Variants in PCSK5 observed in about 807,000 individuals in gnomAD.
PCSK5 encodes the protein prohormone convertase 5.
Under a neutral mutation model 233.2 loss-of-function variants are expected in PCSK5, and 129 were observed. The ratio of observed to expected loss-of-function variants is 0.55; its 90% CI spans 0.48 to 0.64. The LOEUF is 0.64. Among genes scored for constraint, PCSK5 ranks in the 30% least tolerant of loss-of-function variants. The pLI is 0.00. For missense variants in PCSK5, 2,076 were observed against 2,430.1 expected (o/e 0.85, Z 3.06); for synonymous variants, 825 against 879.2 (o/e 0.94, Z 1.09).
Position 75,891,067 on chromosome 9 carries a change from A to AGCTGCGGCGGCCCGGGGCTGCGC in PCSK5, c.-94_-93insGCGCTGCGGCGGCCCGGGGCTGC. 3.1e-6 allele frequency: 3 copies of AGCTGCGGCGGCCCGGGGCTGCGC among 977,490 alleles called. No individual in the cohort carries two copies. Among genetic ancestry groups the AGCTGCGGCGGCCCGGGGCTGCGC allele is most frequent in the Non-Finnish European group, 4.1e-6 (3 of 728,264 alleles). The allele number at this position is 977,490 out of a possible 1,614,324, so 60.6% of individuals were successfully genotyped here. A position where few individuals can be genotyped will look rare whatever the true frequency, so the allele number is the denominator to read the frequency against. ...CTCCTGCCGATCGCCCGGGGCTGCGAGCTGCGGCGGCCCGGGGCTGCTCGC... is the reference window on the plus strand; with the variant it reads ...CTCCTGCCGATCGCCCGGGGCTGCGAGCTGCGGCGGCCCGGGGCTGCGCGCTGCGGCGGCCCGGGGCTGCTCGC... On this transcript the variant is annotated 5_prime_UTR_variant, in exon 1 of 38. Coordinates refer to ENST00000674117, the MANE Select transcript of PCSK5 (RefSeq NM_001372043.1).
chr9:76,244,041 T>A (rs901286205), intron 24 of PCSK5, among the ~76,000 whole-genome samples: 23 of 152,142 alleles, frequency 1.5e-4, no homozygotes, highest in South Asian at 4.1e-4. Flanking sequence ...CTGGGAAGCA[T>A]GGTGAAACCC....
rs561949804 is a variant in PCSK5, at chr9:75,893,441, C to T, written c.192+2068C>T. Among the ~76,000 whole-genome samples, 9 of 152,212 alleles carry T rather than the reference C, an allele frequency of 5.9e-5. No homozygotes were observed. In the South Asian group the frequency reaches 1.5e-3, roughly 25 times the overall value. On this transcript the variant is annotated intron_variant, in intron 1 of 37. Transcript: ENST00000674117. The stretch of plus-strand genomic sequence containing the variant: ...TTCCTTGAATTCTGATTTAATGGCT[C>T]AGTAGGCTGGAAGCAAATATCTGGT...
chr9:75,942,882 CTTCT>C (rs1280009695), intron 2 of PCSK5, among the ~76,000 whole-genome samples: 14 of 112,928 alleles, frequency 1.2e-4, no homozygotes, highest in Admixed American at 6.0e-4. Context: ...TTTTCTTCTT[CTTCT>C]TTTTTTTTTT....
At chr9:76,032,309 T>C (rs1828684690) in intron 5 of PCSK5, among the ~76,000 whole-genome samples, 1 of 152,166 alleles carries the variant, frequency 6.6e-6, no homozygotes, top group Admixed American at 6.5e-5. Flanking sequence ...GGCTCTGTGC[T>C]AAATACCTGG....
intron 26 of PCSK5, among the ~76,000 whole-genome samples, chr9:76,296,079 G>A (rs1828428690): frequency 6.6e-6 from 1 of 152,146 alleles, no homozygotes. Context: ...AAGGACTTAG[G>A]TAAAGTGTTG....
chr9:76,298,805 A>G (rs1828521483), intron 27 of PCSK5, among the ~76,000 whole-genome samples: 1 of 152,166 alleles, frequency 6.6e-6, no homozygotes, highest in South Asian at 2.1e-4. Flanking sequence ...TTTTGAGAGG[A>G]TATAGCTGCC....
chr9:76,077,737 T>C (rs1328757704), intron 7 of PCSK5, among the ~76,000 whole-genome samples: 1 of 152,234 alleles, frequency 6.6e-6, no homozygotes, highest in Non-Finnish European at 1.5e-5. Flanking sequence ...GACATGGTTT[T>C]ATTCTTTTTC....
Position 76,101,212 on chromosome 9 carries a change from T to C in PCSK5, c.1107+5110T>C, listed in dbSNP as rs553130643. Among the ~76,000 whole-genome samples the C allele has an allele frequency of 2.0e-5, 3 of 152,336 alleles. No homozygotes were observed. The East Asian group carries it at 5.8e-4, about 29-fold the overall frequency. Reference sequence around the variant, plus strand: ...TCCAGAGCCTGAGCTTAATAAATATTCGTGCATAAATGACTAGCAAACATT... The same window carrying C: ...TCCAGAGCCTGAGCTTAATAAATATCCGTGCATAAATGACTAGCAAACATT... On this transcript the variant is annotated intron_variant, in intron 8 of 37. Transcript: ENST00000674117.
chr9:76,231,538 C>T (rs1826080599), intron 21 of PCSK5, among the ~76,000 whole-genome samples: 1 of 152,170 alleles, frequency 6.6e-6, no homozygotes, highest in Non-Finnish European at 1.5e-5. Context: ...TTCAGCAGAA[C>T]ATTGAATAGC....
intron 8 of PCSK5, among the ~76,000 whole-genome samples, chr9:76,106,031 T>A (rs1483994207): frequency 6.6e-6 from 1 of 152,204 alleles, no homozygotes; most frequent in Non-Finnish European, 1.5e-5. Flanking sequence ...GAAGATCAAG[T>A]TTCTTTCCAA....
intron 14 of PCSK5, 96 bp from the exon 15 acceptor site, chr9:76,179,499 AG>A: frequency 1.3e-6 from 1 of 779,392 alleles, no homozygotes; most frequent in Non-Finnish European, 2.1e-6. Context: ...TCTCTGCATA[AG>A]AAAAAAAAAA....
At chr9:76,096,188 T>TAC (rs142997056) in intron 8 of PCSK5, 86 bp downstream of exon 8, 130,144 of 638,702 alleles carry the variant, frequency 0.2, 5,845 homozygotes, top group Non-Finnish European at 0.23. Flanking sequence ...CATATATATA[T>TAC]ATACACACAC....
chr9:76,297,647 G>T (rs879031632), intron 27 of PCSK5, among the ~76,000 whole-genome samples: 1 of 152,154 alleles, frequency 6.6e-6, no homozygotes, highest in Non-Finnish European at 1.5e-5. Context: ...CTTCCTGTTG[G>T]AAAAATCTGA....
chr9:75,946,186 AT>A (rs1277598447), intron 2 of PCSK5, among the ~76,000 whole-genome samples: 8 of 152,216 alleles, frequency 5.3e-5, no homozygotes, highest in African/African-American at 1.7e-4. Context: ...TGGAGCTGTA[AT>A]TTTTTTCTTT....
chr9:75,951,951 T>C (rs4376555), intron 2 of PCSK5, among the ~76,000 whole-genome samples: 128,749 of 152,102 alleles, frequency 0.85, 54,612 homozygotes, highest in African/African-American at 0.91. Context: ...TTAGAACTGA[T>C]GTCCCCACCA....
At chr9:76,126,104 A>T (rs1307617609) in intron 9 of PCSK5, among the ~76,000 whole-genome samples, 3 of 151,786 alleles carry the variant, frequency 2.0e-5, no homozygotes, top group African/African-American at 7.3e-5. Flanking sequence ...TTAGCTCATA[A>T]GTTTTTTTGA....
intron 2 of PCSK5, 79 bp from the exon 3 acceptor site, chr9:75,986,052 TG>T: frequency 1.2e-6 from 1 of 822,174 alleles, no homozygotes; most frequent in South Asian, 1.5e-5. Context: ...TGACTTACAA[TG>T]GGAAATGCCT....
intron 7 of PCSK5, among the ~76,000 whole-genome samples, chr9:76,077,668 G>A (rs1235992390): frequency 6.6e-6 from 1 of 152,086 alleles, no homozygotes; most frequent in Non-Finnish European, 1.5e-5. Flanking sequence ...TTGATTTTCT[G>A]TCCCTGTGTT....
chr9:76,193,469 GCTCT>G (rs1252032855), intron 20 of PCSK5: 2 of 763,668 alleles, frequency 2.6e-6, no homozygotes, highest in Admixed American at 3.5e-5. Flanking sequence ...TTCTTTTCTT[GCTCT>G]CTTTTTCTTT....
Sources: gnomAD v4.1 joint callset for allele counts (sites outside exome capture counted in the v4.1 genomes callset) on GRCh38, gnomAD v4.1.1 for gene constraint, MANE v1.5 for transcripts, NCBI Gene and HGNC (gene_info 2026-07-23, HGNC 2026-07-21) for gene names.